The following CADM3 variants were observed in gnomAD, a reference collection of about 807,000 sequenced individuals.
The protein encoded by CADM3 is cell adhesion molecule 3, also known as TSLC1-like 1.
Under a neutral mutation model 44.9 loss-of-function variants are expected in CADM3, and 11 were observed. That is an observed-to-expected ratio of 0.25 (90% confidence interval 0.15 to 0.41). CADM3 has a LOEUF of 0.41. CADM3 is among the 10% of genes least tolerant of loss of function. The pLI, the probability that CADM3 is intolerant of heterozygous loss-of-function variation, is 1.00. For missense variants in CADM3, 426 were observed against 512.0 expected (o/e 0.83, Z 1.62); for synonymous variants, 207 against 205.2 (o/e 1.01, Z -0.08).
At chr1:159,190,205 G>A (rs1649590403) in intron 1 of CADM3, among the ~76,000 whole-genome samples, 1 of 152,146 alleles carries the variant, frequency 6.6e-6, no homozygotes, top group African/African-American at 2.4e-5. Context: ...AGGGACAAAG[G>A]GATGACTGGT....
intron 5 of CADM3, chr1:159,195,406 T>G (rs1325694408): frequency 6.6e-6 from 1 of 152,296 alleles, no homozygotes; most frequent in Admixed American, 6.5e-5. Context: ...CCCCGCCCCT[T>G]GGTCCCTGGC....
At chr1:159,177,411 C>G (rs1008123628) in intron 1 of CADM3, among the ~76,000 whole-genome samples, 4 of 152,166 alleles carry the variant, frequency 2.6e-5, no homozygotes, top group African/African-American at 9.7e-5. Context: ...ATCCCAGTTC[C>G]CCTGTTCTTT....
chr1:159,189,227 T>G (rs1055708848), intron 1 of CADM3, among the ~76,000 whole-genome samples: 157 of 152,360 alleles, frequency 1.0e-3, no homozygotes, highest in African/African-American at 3.6e-3. Context: ...AGTCATTTCA[T>G]TCTATTTCCA....
At chr1:159,200,665 T>G in intron 8 of CADM3, 139 bp from the exon 9 acceptor site, 1 of 587,120 alleles carries the variant, frequency 1.7e-6, no homozygotes, top group Non-Finnish European at 3.1e-6. Flanking sequence ...GCGAATTAGG[T>G]AAGGTGGAGT....
In CADM3 at chr1:159,200,947, C is replaced by T; in HGVS notation, c.*25C>T. 6.5e-7 allele frequency: 1 copy of T among 1,546,464 alleles called. No homozygotes were observed. The highest frequency in any genetic ancestry group is 8.8e-7 in the Non-Finnish European group (1 of 1,138,060). On this transcript the variant is annotated 3_prime_UTR_variant, in exon 9 of 9. Transcript: ENST00000368125. Reference sequence around the variant, plus strand: ...GAGGCGCCTGCCCACTTCCTGCGCCCCCCAGGGGCCCTGTGGGGACTGCTG... The same window carrying T: ...GAGGCGCCTGCCCACTTCCTGCGCCTCCCAGGGGCCCTGTGGGGACTGCTG...
intron 1 of CADM3, among the ~76,000 whole-genome samples, chr1:159,182,649 G>T (rs1166880701): frequency 1.3e-5 from 2 of 152,098 alleles, no homozygotes; most frequent in Non-Finnish European, 2.9e-5. Context: ...AAGAAAAAAG[G>T]AATTACTGAA....
chr1:159,196,394 C>G lies in CADM3; in HGVS notation c.722C>G (p.Pro241Arg). The G allele has an allele frequency of 6.2e-7, 1 of 1,614,148 alleles. No homozygotes were observed. The highest frequency in any genetic ancestry group is 8.5e-7 in the Non-Finnish European group (1 of 1,180,004). Residue 241 changes from proline to arginine, a missense_variant, in exon 6 of 9, where the codon CCT (proline) becomes CGT (arginine). Coordinates refer to ENST00000368125, the MANE Select transcript of CADM3 (RefSeq NM_001127173.3). ...YTPTAMIRPD[P>R]PHPREGQKLL... ...CCAACTGCGATGATTAGGCCAGACC[C>G]TCCCCATCCTCGTGAGGGCCAGAAG...
chr1:159,200,899 G>T lies in CADM3; in HGVS notation c.1174G>T (p.Asp392Tyr). The part of the protein sequence containing the change: ...NAEGGQSGGD[D>Y]KKEYFI ...AGAAGGCGGGCAGTCAGGAGGGGAC[G>T]ACAAGAAGGAATATTTCATCTAGAG... The change falls in exon 9 of 9, where the codon GAC becomes TAC. Residue 392 changes from aspartate (D) to tyrosine (Y), a missense_variant. Asp to Tyr is a radical substitution (Grantham distance 160). Around this residue, in one of 2 missense-constraint regions of CADM3, gnomAD observed 362 missense variants for 474.6 expected, o/e 0.76. Coordinates refer to ENST00000368125, the MANE Select transcript of CADM3 (RefSeq NM_001127173.3). The T allele has an allele frequency of 6.2e-7, 1 of 1,606,156 alleles. No homozygotes were observed. The highest frequency in any genetic ancestry group is 8.5e-7 in the Non-Finnish European group (1 of 1,176,276).
chr1:159,184,795 CTTA>C (rs1483074792), intron 1 of CADM3, among the ~76,000 whole-genome samples: 1 of 152,064 alleles, frequency 6.6e-6, no homozygotes, highest in Non-Finnish European at 1.5e-5. Context: ...TTATTGAGCA[CTTA>C]TTATGTGTGA....
rs757871957 is a variant in CADM3 at position 159,196,396 on chromosome 1, C to T, written c.724C>T (p.Pro242Ser). Residue 242 changes from proline to serine, a missense_variant, in exon 6 of 9, where the codon CCC (proline) becomes TCC (serine). Physicochemically the swap from Pro to Ser is moderately conservative, Grantham distance 74. Transcript: ENST00000368125. ...AACTGCGATGATTAGGCCAGACCCT[C>T]CCCATCCTCGTGAGGGCCAGAAGCT... is the stretch of plus-strand genomic sequence containing the variant. The part of the protein sequence containing the change: ...TPTAMIRPDP[P>S]HPREGQKLLL... The T allele has an allele frequency of 6.2e-7, 1 of 1,614,148 alleles. No individual in the cohort carries two copies. Among genetic ancestry groups the T allele is most frequent in the South Asian group, 1.1e-5 (1 of 91,086 alleles).
At chr1:159,183,125 C>T (rs1043822115) in intron 1 of CADM3, among the ~76,000 whole-genome samples, 1 of 152,162 alleles carries the variant, frequency 6.6e-6, no homozygotes, top group African/African-American at 2.4e-5. Flanking sequence ...TAATAATAAA[C>T]CTGTTTGAGC....
In CADM3 at chr1:159,201,054, T is replaced by A. The variant is rs1650176599; in HGVS notation, c.*132T>A. On this transcript the variant is annotated 3_prime_UTR_variant, in exon 9 of 9. Transcript: ENST00000368125. ...GCTCCCCAGCCCACCCACCCCCCTG[T>A]ACAGAATGTCTGCTTTGGGTGCGGT... The A allele has an allele frequency of 3.3e-6, 1 of 298,524 alleles. No homozygotes were observed. The highest frequency in any genetic ancestry group is 6.0e-6 in the Non-Finnish European group (1 of 166,900). The allele number at this position is 298,524 out of a possible 1,614,324, so 18.5% of individuals were successfully genotyped here.
chr1:159,179,945 C>T (rs563912094), intron 1 of CADM3, among the ~76,000 whole-genome samples: 2 of 152,218 alleles, frequency 1.3e-5, no homozygotes, highest in Non-Finnish European at 2.9e-5. Flanking sequence ...GCTAATCTCA[C>T]ACAAATATAA....
chr1:159,194,814 T>C (rs981909036), intron 5 of CADM3: 3 of 152,180 alleles, frequency 2.0e-5, no homozygotes, highest in African/African-American at 7.2e-5. Context: ...TTGCCTTTAG[T>C]ATGGTTAGGA....
At position 159,200,931 on chromosome 1, in the gene CADM3, G is replaced by A; in HGVS notation, c.*9G>A. The A allele has an allele frequency of 6.3e-7, 1 of 1,581,622 alleles. No homozygotes were observed. On this transcript the variant is annotated 3_prime_UTR_variant, in exon 9 of 9. Coordinates refer to ENST00000368125, the MANE Select transcript of CADM3 (RefSeq NM_001127173.3). ...AGGAATATTTCATCTAGAGGCGCCT[G>A]CCCACTTCCTGCGCCCCCCAGGGGC...
intron 1 of CADM3, among the ~76,000 whole-genome samples, chr1:159,188,438 TC>T (rs1287127429): frequency 2.6e-5 from 4 of 151,630 alleles, no homozygotes; most frequent in African/African-American, 7.3e-5. Flanking sequence ...CTTTGTAATC[TC>T]GACCTCCCGG....
rs945723968 is a variant in CADM3 at position 159,200,982 on chromosome 1, C to T, written c.*60C>T. 9.2e-6 allele frequency: 12 copies of T among 1,306,388 alleles called. No homozygotes were observed. The highest frequency in any genetic ancestry group is 6.7e-5 in the Admixed American group (3 of 44,942). The allele number at this position is 1,306,388 out of a possible 1,614,324, so 80.9% of individuals were successfully genotyped here. A position where few individuals can be genotyped will look rare whatever the true frequency, so the allele number is the denominator to read the frequency against. ...CCTGTGGGGACTGCTGGGGCCGTCACCAACCCGGACTTGTACAGAGCAACC... is the reference window on the plus strand; with the variant it reads ...CCTGTGGGGACTGCTGGGGCCGTCATCAACCCGGACTTGTACAGAGCAACC... On this transcript the variant is annotated 3_prime_UTR_variant, in exon 9 of 9. Coordinates refer to ENST00000368125, the MANE Select transcript of CADM3 (RefSeq NM_001127173.3).
At chr1:159,177,567 A>G (rs1056691387) in intron 1 of CADM3, among the ~76,000 whole-genome samples, 4 of 152,152 alleles carry the variant, frequency 2.6e-5, no homozygotes, top group Admixed American at 1.3e-4. Context: ...TGCAGTCCCC[A>G]GAACAGGGCT....
At chr1:159,177,520 T>C (rs886590235) in intron 1 of CADM3, among the ~76,000 whole-genome samples, 1 of 152,104 alleles carries the variant, frequency 6.6e-6, no homozygotes, top group African/African-American at 2.4e-5. Context: ...TGGTCCTGTT[T>C]TACCTCCAAG....
Sources: allele counts gnomAD v4.1 joint callset (sites outside exome capture counted in the v4.1 genomes callset), GRCh38; gene constraint gnomAD v4.1.1; regional missense constraint gnomAD v4.1.1; transcripts MANE v1.5; gene names NCBI Gene and HGNC (gene_info 2026-07-23, HGNC 2026-07-21).